Variants in NELL1 observed in about 807,000 individuals in gnomAD.
The protein encoded by NELL1 is protein kinase C-binding protein NELL1.
In NELL1, 76 loss-of-function variants were observed where a neutral mutation model predicts 107.4. The observed-to-expected ratio is 0.71, with a 90% confidence interval of 0.59 to 0.86. The LOEUF (loss-of-function observed/expected upper bound fraction) is 0.86. NELL1 is among the 40% of genes least tolerant of loss of function. The pLI is 0.00. For synonymous variants in NELL1, 353 were observed against 341.2 expected, an observed-to-expected ratio of 1.03 and a Z score of -0.38; for missense variants, 1,024 against 1,005.5, an observed-to-expected ratio of 1.02 and a Z score of -0.25.
At position 20,803,086 on chromosome 11, in the gene NELL1, T is replaced by C. The variant is rs1005312324; in HGVS notation, c.335+19256T>C. On this transcript the variant is annotated intron_variant, in intron 3 of 19. Coordinates refer to ENST00000357134, the MANE Select transcript of NELL1 (RefSeq NM_006157.5). Reference sequence around the variant, plus strand: ...TTAGGGTAATGCTGCCCTGATATAATGAGTTTGGAAAAATTCCCTCCTCTA... The same window carrying C: ...TTAGGGTAATGCTGCCCTGATATAACGAGTTTGGAAAAATTCCCTCCTCTA... Among the ~76,000 whole-genome samples, 41 of 152,308 alleles carry C rather than the reference T, an allele frequency of 2.7e-4. 1 individual carries two copies. Among genetic ancestry groups the C allele is most frequent in the Admixed American group, 6.5e-4 (10 of 15,302 alleles).
chr11:21,013,229 C>T (rs1216601838), intron 12 of NELL1, among the ~76,000 whole-genome samples: 7 of 152,116 alleles, frequency 4.6e-5, no homozygotes, highest in Non-Finnish European at 8.8e-5. Context: ...GCAATTTCAT[C>T]GTGGCCCTCT....
intron 13 of NELL1, among the ~76,000 whole-genome samples, chr11:21,148,294 T>G (rs961257687): frequency 6.6e-6 from 1 of 152,214 alleles, no homozygotes; most frequent in Middle Eastern, 3.2e-3. Flanking sequence ...TGAAGAAGGC[T>G]TCTCAGAAAT....
At chr11:20,741,342 T>C (rs879798281) in intron 2 of NELL1, among the ~76,000 whole-genome samples, 6 of 152,162 alleles carry the variant, frequency 3.9e-5, no homozygotes, top group Admixed American at 2.6e-4. Context: ...TTGCCATTTG[T>C]CTTTTCTCCT....
At chr11:21,098,777 A>G (rs1854719661) in intron 12 of NELL1, among the ~76,000 whole-genome samples, 1 of 151,948 alleles carries the variant, frequency 6.6e-6, no homozygotes, top group African/African-American at 2.4e-5. Context: ...TTTGATAATA[A>G]ATACCCCCCA....
At chr11:20,700,125 A>G (rs910771869) in intron 2 of NELL1, among the ~76,000 whole-genome samples, 3 of 107,922 alleles carry the variant, frequency 2.8e-5, no homozygotes, top group Admixed American at 2.5e-4. Flanking sequence ...CTGTTTTTAG[A>G]AAAAACAAAA....
rs975292461 is a variant in NELL1 at position 21,271,666 on chromosome 11, C to T, written c.1549+42212C>T. Among the ~76,000 whole-genome samples, 6 of 152,106 alleles carry T rather than the reference C, an allele frequency of 3.9e-5. No homozygotes were observed. In the South Asian group the frequency reaches 6.2e-4, roughly 16 times the overall value. ...TAATACTAAAACCAGACAAAAACATCACAAGAAAAGAAAACTATAGCCTGG... is the reference window on the plus strand; with the variant it reads ...TAATACTAAAACCAGACAAAAACATTACAAGAAAAGAAAACTATAGCCTGG... On this transcript the variant is annotated intron_variant, in intron 14 of 19. Coordinates refer to ENST00000357134, the MANE Select transcript of NELL1 (RefSeq NM_006157.5).
intron 3 of NELL1, among the ~76,000 whole-genome samples, chr11:20,842,442 A>G (rs917995527): frequency 6.6e-6 from 1 of 152,118 alleles, no homozygotes. Flanking sequence ...GATTAGCATA[A>G]AGAATGAGGG....
In NELL1 at chr11:20,747,064, C is replaced by T. The variant is rs150381934; in HGVS notation, c.185-36616C>T. Among the ~76,000 whole-genome samples, 895 of 152,314 alleles carry T rather than the reference C, an allele frequency of 5.9e-3. 7 individuals carry two copies. The highest frequency in any genetic ancestry group is 0.021 in the African/African-American group (865 of 41,570). ...GTCTTGTTCACAATTACATGCCTGACTTCCTTTTTATAGAACACCTGGCAC... is the reference window on the plus strand; with the variant it reads ...GTCTTGTTCACAATTACATGCCTGATTTCCTTTTTATAGAACACCTGGCAC... On this transcript the variant is annotated intron_variant, in intron 2 of 19. Coordinates refer to ENST00000357134, the MANE Select transcript of NELL1 (RefSeq NM_006157.5).
chr11:20,979,892 C>A (rs139651334), intron 12 of NELL1, among the ~76,000 whole-genome samples: 203 of 152,234 alleles, frequency 1.3e-3, no homozygotes, highest in African/African-American at 4.7e-3. Flanking sequence ...TTCTGTACCC[C>A]ATTTATCATT....
At chr11:21,265,096 AC>A (rs1848610532) in intron 14 of NELL1, among the ~76,000 whole-genome samples, 1 of 151,982 alleles carries the variant, frequency 6.6e-6, no homozygotes, top group Non-Finnish European at 1.5e-5. Context: ...TTTCTAATTT[AC>A]CTGTAATCTT....
intron 3 of NELL1, among the ~76,000 whole-genome samples, chr11:20,803,389 T>C (rs1395674804): frequency 6.6e-6 from 1 of 152,198 alleles, no homozygotes; most frequent in Non-Finnish European, 1.5e-5. Context: ...TTCTGTAGTA[T>C]CAGTTGTAAT....
intron 14 of NELL1, among the ~76,000 whole-genome samples, chr11:21,336,458 T>C (rs1850397660): frequency 6.6e-6 from 1 of 151,924 alleles, no homozygotes; most frequent in African/African-American, 2.4e-5. Context: ...GAATCTAGGT[T>C]GTTTCCACTT....
intron 12 of NELL1, among the ~76,000 whole-genome samples, chr11:20,985,274 G>A (rs146545662): frequency 2.8e-4 from 42 of 152,182 alleles, no homozygotes; most frequent in African/African-American, 9.9e-4. Context: ...GTGAAATCAT[G>A]GCTAGCTAGA....
At chr11:21,244,929 T>C (rs1858452414) in intron 14 of NELL1, among the ~76,000 whole-genome samples, 2 of 152,152 alleles carry the variant, frequency 1.3e-5, no homozygotes, top group African/African-American at 4.8e-5. Flanking sequence ...TAATTGTGTC[T>C]ATCTCCATGG....
At chr11:21,268,275 G>C (rs959255579) in intron 14 of NELL1, among the ~76,000 whole-genome samples, 21 of 152,248 alleles carry the variant, frequency 1.4e-4, no homozygotes, top group East Asian at 7.7e-4. Flanking sequence ...ACTTTTGTGA[G>C]CTTTACATCC....
At chr11:20,912,768 G>A (rs1224511937) in intron 5 of NELL1, among the ~76,000 whole-genome samples, 3 of 152,042 alleles carry the variant, frequency 2.0e-5, no homozygotes, top group African/African-American at 7.2e-5. Flanking sequence ...CACAGCTGTC[G>A]TTTTTACCTC....
intron 15 of NELL1, among the ~76,000 whole-genome samples, chr11:21,492,002 A>G (rs1047298968): frequency 2.6e-5 from 4 of 152,162 alleles, no homozygotes; most frequent in Admixed American, 2.0e-4. Flanking sequence ...TCATCTGACA[A>G]AGGGCTAATA....
At chr11:20,797,147 T>C (rs1857185451) in intron 3 of NELL1, among the ~76,000 whole-genome samples, 2 of 152,144 alleles carry the variant, frequency 1.3e-5, no homozygotes, top group African/African-American at 2.4e-5. Context: ...GCCCAGGGCA[T>C]TGGGAGCCAT....
intron 14 of NELL1, among the ~76,000 whole-genome samples, chr11:21,315,883 TGGTGTG>T (rs1849869166): frequency 3.0e-5 from 1 of 33,816 alleles, no homozygotes; most frequent in Admixed American, 2.5e-4. Flanking sequence ...GTGGTGGTGG[TGGTGTG>T]AGTGTGTGTG....
Sources: allele counts gnomAD v4.1 joint callset (sites outside exome capture counted in the v4.1 genomes callset), GRCh38; gene constraint gnomAD v4.1.1; transcripts MANE v1.5; gene names NCBI Gene and HGNC (gene_info 2026-07-23, HGNC 2026-07-21).